The following DOCK10 variants were observed in gnomAD, a reference collection of about 807,000 sequenced individuals.
DOCK10 encodes dedicator of cytokinesis protein 10.
A neutral mutation model predicts 280.1 loss-of-function variants in DOCK10; 145 were observed. The ratio of observed to expected loss-of-function variants is 0.52; its 90% CI spans 0.45 to 0.59. The LOEUF (loss-of-function observed/expected upper bound fraction) is 0.59. Ranked by LOEUF, DOCK10 falls within the 20% of genes least tolerant of loss-of-function variation. DOCK10 has a pLI of 0.00. For synonymous variants in DOCK10, 915 were observed against 942.2 expected (o/e 0.97, Z 0.53); for missense variants, 2,368 against 2,651.7 (o/e 0.89, Z 2.35).
chr2:224,866,436 C>T (rs900827372), intron 11 of DOCK10, among the ~76,000 whole-genome samples: 5 of 152,136 alleles, frequency 3.3e-5, no homozygotes, highest in Non-Finnish European at 5.9e-5. Flanking sequence ...TGATGTTAGC[C>T]TTATCTGCTG....
chr2:224,805,133 A>G lies in DOCK10; in HGVS notation c.4052-9T>C. The G allele has an allele frequency of 6.2e-7, 1 of 1,610,098 alleles. No individual in the cohort carries two copies. Among genetic ancestry groups the G allele is most frequent in the Non-Finnish European group, 8.5e-7 (1 of 1,178,632 alleles). ...GTAGGCAATCAGAGTCTCTAAAAGG[A>G]AACACCAGGTAGTATGAGAATCTGA... On this transcript the variant is annotated splice_polypyrimidine_tract_variant and intron_variant, in intron 36 of 55. Transcript: ENST00000258390. The surrounding 1 kb of genome is among the most constrained non-coding windows in gnomAD (Gnocchi z 4.3).
At chr2:224,810,194 A>G (rs1004586817) in intron 31 of DOCK10, among the ~76,000 whole-genome samples, 2 of 152,180 alleles carry the variant, frequency 1.3e-5, no homozygotes, top group African/African-American at 2.4e-5. Flanking sequence ...GATGATGGAT[A>G]TCCTAAAAGC....
chr2:224,797,575 A>G (rs548284644), intron 42 of DOCK10, among the ~76,000 whole-genome samples: 2 of 152,172 alleles, frequency 1.3e-5, no homozygotes, highest in Non-Finnish European at 2.9e-5. Context: ...TGGTGCCGCA[A>G]ACACAGATAA....
chr2:224,963,274 T>A (rs1704550948), intron 1 of DOCK10, among the ~76,000 whole-genome samples: 1 of 152,232 alleles, frequency 6.6e-6, no homozygotes, highest in Admixed American at 6.5e-5. Context: ...GACTCTGATC[T>A]AAGCCTTGCC....
At chr2:224,923,165 G>T (rs1701863945) in intron 2 of DOCK10, among the ~76,000 whole-genome samples, 1 of 152,086 alleles carries the variant, frequency 6.6e-6, no homozygotes, top group Non-Finnish European at 1.5e-5. Context: ...TGTTTTGCTG[G>T]GGTTGAACTG....
intron 44 of DOCK10, among the ~76,000 whole-genome samples, chr2:224,795,983 A>G (rs1692542122): frequency 6.6e-6 from 1 of 152,140 alleles, no homozygotes; most frequent in African/African-American, 2.4e-5. Context: ...GATTCAAACA[A>G]TAAACTTGAT....
At chr2:224,852,816 C>G in intron 17 of DOCK10, 119 bp downstream of exon 17, 1 of 853,878 alleles carries the variant, frequency 1.2e-6, no homozygotes, top group Non-Finnish European at 1.7e-6. Flanking sequence ...CTTCTCCAAA[C>G]GGTTTTCTAT....
intron 19 of DOCK10, among the ~76,000 whole-genome samples, chr2:224,848,895 GA>G (rs1011060801): frequency 3.3e-5 from 5 of 151,710 alleles, no homozygotes; most frequent in South Asian, 2.1e-4. Flanking sequence ...TGAAATAAAA[GA>G]AAAAAAATTA....
intron 18 of DOCK10, among the ~76,000 whole-genome samples, chr2:224,850,309 G>A (rs904944038): frequency 1.3e-5 from 2 of 152,126 alleles, no homozygotes; most frequent in Admixed American, 1.3e-4. Context: ...TCATGACAGT[G>A]TCAAGAGCCT....
intron 55 of DOCK10, among the ~76,000 whole-genome samples, chr2:224,767,374 G>C (rs1690130106): frequency 6.6e-6 from 1 of 152,108 alleles, no homozygotes; most frequent in Non-Finnish European, 1.5e-5. Context: ...ATGTTGGCCA[G>C]GCTGGTCTCG....
chr2:224,809,113 A>G (rs1693600060), intron 31 of DOCK10, among the ~76,000 whole-genome samples: 1 of 152,172 alleles, frequency 6.6e-6, no homozygotes, highest in Admixed American at 6.6e-5. Context: ...AATTATAGAG[A>G]AAAGGCCCTG....
At position 224,961,231 on chromosome 2, in the gene DOCK10, G is replaced by C. The variant is rs536450819; in HGVS notation, c.124-29563C>G. Among the ~76,000 whole-genome samples, 16 of 152,288 alleles carry C rather than the reference G, an allele frequency of 1.1e-4. No individual in the cohort carries two copies. In the East Asian group the frequency reaches 2.9e-3, roughly 28 times the overall value. On this transcript the variant is annotated intron_variant, in intron 1 of 55. Coordinates refer to ENST00000258390, the MANE Select transcript of DOCK10 (RefSeq NM_014689.3). Reference sequence around the variant, plus strand: ...ACATGTTAGCCAGGATGACAGAGAAGAGATTTACAATGGCAACTAAACTTG... The same window carrying C: ...ACATGTTAGCCAGGATGACAGAGAACAGATTTACAATGGCAACTAAACTTG...
chr2:224,972,224 T>G (rs1301973360), intron 1 of DOCK10, among the ~76,000 whole-genome samples: 1 of 152,232 alleles, frequency 6.6e-6, no homozygotes, highest in East Asian at 1.9e-4. Flanking sequence ...ATTATTTCCA[T>G]GTTCACTTCC....
At chr2:224,842,949 G>C (rs780056783) in intron 22 of DOCK10, among the ~76,000 whole-genome samples, 2 of 152,220 alleles carry the variant, frequency 1.3e-5, no homozygotes, top group East Asian at 3.8e-4. Flanking sequence ...AACAGGGAAG[G>C]CTTCTTAGAG....
chr2:224,879,286 A>G (rs1253776367), intron 7 of DOCK10, among the ~76,000 whole-genome samples: 1 of 152,186 alleles, frequency 6.6e-6, no homozygotes, highest in Non-Finnish European at 1.5e-5. Flanking sequence ...GATGTCCTCC[A>G]CGTGTCCTCA....
chr2:224,868,042 G>GT (rs893348527), intron 11 of DOCK10, among the ~76,000 whole-genome samples: 142 of 152,034 alleles, frequency 9.3e-4, no homozygotes, highest in African/African-American at 2.9e-3. Flanking sequence ...GGCCTGAGAG[G>GT]TTTTTTTTGT....
At chr2:224,824,853 T>C (rs527921105) in intron 27 of DOCK10, among the ~76,000 whole-genome samples, 11 of 152,268 alleles carry the variant, frequency 7.2e-5, no homozygotes, top group East Asian at 5.8e-4. Context: ...TATTTCTAAA[T>C]TGTGAGCACC....
At chr2:224,836,762 G>C (rs1401301512) in intron 25 of DOCK10, among the ~76,000 whole-genome samples, 1 of 152,034 alleles carries the variant, frequency 6.6e-6, no homozygotes, top group Non-Finnish European at 1.5e-5. Context: ...ACCACGCCTG[G>C]CTAATTTTTT....
chr2:224,903,208 T>A (rs1289608891), intron 3 of DOCK10, among the ~76,000 whole-genome samples: 1 of 152,260 alleles, frequency 6.6e-6, no homozygotes, highest in African/African-American at 2.4e-5. Context: ...AATATAAGAA[T>A]GTCTCAGTTT....
Sources: allele counts gnomAD v4.1 joint callset (sites outside exome capture counted in the v4.1 genomes callset), GRCh38; gene constraint gnomAD v4.1.1; non-coding constraint Gnocchi (gnomAD v3.1); transcripts MANE v1.5; gene names NCBI Gene and HGNC (gene_info 2026-07-23, HGNC 2026-07-21).